The following HDAC9 variants were observed in gnomAD, a reference collection of about 807,000 sequenced individuals.
HDAC9 encodes the protein MEF-2 interacting transcription repressor (MITR) protein.
HDAC9 carries 41 observed loss-of-function variants against 139.4 expected under a neutral mutation model. That is an observed-to-expected ratio of 0.29 (90% CI 0.23 to 0.38). The LOEUF (loss-of-function observed/expected upper bound fraction) is 0.38. HDAC9 is among the 10% of genes least tolerant of loss of function. HDAC9 has a pLI of 1.00. For missense variants in HDAC9, 1,147 were observed against 1,297.0 expected (o/e 0.88, Z 1.78); for synonymous variants, 517 against 476.2 (o/e 1.09, Z -1.12).
chr7:18,550,574 G>A (rs1450508877), intron 2 of HDAC9, among the ~76,000 whole-genome samples: 1 of 152,206 alleles, frequency 6.6e-6, no homozygotes, highest in Non-Finnish European at 1.5e-5. Context: ...AAAGAGTTAA[G>A]TAGGTGGGGG....
intron 16 of HDAC9, among the ~76,000 whole-genome samples, chr7:18,770,370 TA>T (rs2129163563): frequency 6.6e-6 from 1 of 152,240 alleles, no homozygotes; most frequent in East Asian, 1.9e-4. Flanking sequence ...GTAAAATAGA[TA>T]ATTAAGGGAC....
At chr7:18,599,375 A>G (rs904705655) in intron 6 of HDAC9, among the ~76,000 whole-genome samples, 3 of 152,188 alleles carry the variant, frequency 2.0e-5, no homozygotes, top group Non-Finnish European at 4.4e-5. Context: ...GATTTAACAA[A>G]TGTGTCATAT....
At chr7:18,104,942 C>T (rs1387720395) in intron 1 of HDAC9, among the ~76,000 whole-genome samples, 1 of 151,966 alleles carries the variant, frequency 6.6e-6, no homozygotes, top group African/African-American at 2.4e-5. Flanking sequence ...ATCATTTCTA[C>T]TATTATCTTA....
At chr7:18,760,644 A>G (rs930706946) in intron 14 of HDAC9, among the ~76,000 whole-genome samples, 6 of 152,234 alleles carry the variant, frequency 3.9e-5, no homozygotes, top group Admixed American at 1.3e-4. Flanking sequence ...AGAAAGTTCC[A>G]TAAGTATTCA....
chr7:18,387,142 C>T (rs1360222450), intron 1 of HDAC9, among the ~76,000 whole-genome samples: 1 of 152,150 alleles, frequency 6.6e-6, no homozygotes, highest in African/African-American at 2.4e-5. Context: ...GCTTGTCTCT[C>T]TTTGCTTTAA....
intron 2 of HDAC9, chr7:18,578,300 A>T: frequency 2.0e-6 from 1 of 504,672 alleles, no homozygotes; most frequent in Non-Finnish European, 4.0e-6. Context: ...TGCTATTCGT[A>T]ACGACCCCTT....
chr7:18,994,551 C>T (rs1452587416), intron 25 of HDAC9, among the ~76,000 whole-genome samples: 1 of 152,114 alleles, frequency 6.6e-6, no homozygotes, highest in Non-Finnish European at 1.5e-5. Flanking sequence ...CACACAGACT[C>T]TTTTAGAATT....
At chr7:18,177,259 T>C (rs1562711842) in intron 2 of HDAC9, among the ~76,000 whole-genome samples, 1 of 152,134 alleles carries the variant, frequency 6.6e-6, no homozygotes. Flanking sequence ...GCATTTAAAT[T>C]CTGTGAAGTT....
intron 6 of HDAC9, among the ~76,000 whole-genome samples, chr7:18,606,712 A>G (rs1197009239): frequency 1.3e-5 from 2 of 152,182 alleles, no homozygotes; most frequent in African/African-American, 4.8e-5. Flanking sequence ...TTTTCTAGAT[A>G]ATAATTTACT....
chr7:18,669,388 A>T (rs1333704839), intron 12 of HDAC9, among the ~76,000 whole-genome samples: 3 of 151,816 alleles, frequency 2.0e-5, no homozygotes, highest in African/African-American at 7.2e-5. Flanking sequence ...ATCTCCCCTT[A>T]TATGGTAACA....
Position 18,414,738 on chromosome 7 carries a change from G to A in HDAC9, c.-41-81524G>A, listed in dbSNP as rs78994200. On this transcript the variant is annotated intron_variant, in intron 1 of 3. Coordinates refer to the HDAC9 transcript ENST00000413509. ...AAACATTGTAATGGTAGGCACAAAC[G>A]CTTCTTAGAAGAAATTAAGAATGAA... Among the ~76,000 whole-genome samples the A allele has an allele frequency of 8.1e-3, 1,226 of 152,220 alleles. 21 individuals carry two copies. The highest frequency in any genetic ancestry group is 0.028 in the African/African-American group (1,179 of 41,552).
chr7:18,152,469 C>T (rs1219489858), intron 1 of HDAC9, among the ~76,000 whole-genome samples: 1 of 152,094 alleles, frequency 6.6e-6, no homozygotes, highest in Non-Finnish European at 1.5e-5. Flanking sequence ...TTCTCTTGTG[C>T]TTCTCATACT....
chr7:18,470,363 A>G lies in HDAC9; in HGVS notation c.-41-25899A>G, dbSNP rs570402403. ...AAAAAGCCAGTTGTTTTAAGCTACTATAATCTCTAATTTGTAACGATAATT... is the reference window on the plus strand; with the variant it reads ...AAAAAGCCAGTTGTTTTAAGCTACTGTAATCTCTAATTTGTAACGATAATT... On this transcript the variant is annotated intron_variant, in intron 1 of 3. Coordinates refer to the HDAC9 transcript ENST00000413509. Among the ~76,000 whole-genome samples, 8 of 152,220 alleles carry G rather than the reference A, an allele frequency of 5.3e-5. No individual in the cohort carries two copies. In the South Asian group the frequency reaches 1.7e-3, roughly 32 times the overall value.
At chr7:18,580,049 A>G (rs1379768041) in intron 2 of HDAC9, among the ~76,000 whole-genome samples, 1 of 152,216 alleles carries the variant, frequency 6.6e-6, no homozygotes, top group Non-Finnish European at 1.5e-5. Flanking sequence ...AGCAGCATCT[A>G]AAGTGAAGAA....
chr7:18,413,023 G>A (rs185751507), intron 1 of HDAC9, among the ~76,000 whole-genome samples: 35 of 152,250 alleles, frequency 2.3e-4, no homozygotes, highest in Non-Finnish European at 4.7e-4. Context: ...AATTAAAAAT[G>A]TTTTAGCTTA....
intron 22 of HDAC9, among the ~76,000 whole-genome samples, chr7:18,922,004 C>T (rs369391619): frequency 6.9e-6 from 1 of 145,130 alleles, no homozygotes; most frequent in East Asian, 2.1e-4. Context: ...CGCATATTCT[C>T]ACTCATAGGT....
At chr7:18,264,349 G>A (rs1002369374) in intron 2 of HDAC9, among the ~76,000 whole-genome samples, 3 of 151,764 alleles carry the variant, frequency 2.0e-5, no homozygotes, top group African/African-American at 4.8e-5. Context: ...AATGAAATTA[G>A]AAATTAAAAA....
At chr7:18,705,429 CT>C (rs1783812223) in intron 12 of HDAC9, among the ~76,000 whole-genome samples, 1 of 152,204 alleles carries the variant, frequency 6.6e-6, no homozygotes, top group African/African-American at 2.4e-5. Flanking sequence ...GAGCCACACA[CT>C]GGGATAGAGT....
chr7:18,264,708 C>T (rs1397199346), intron 2 of HDAC9, among the ~76,000 whole-genome samples: 1 of 152,146 alleles, frequency 6.6e-6, no homozygotes, highest in East Asian at 1.9e-4. Context: ...CCTATGCATA[C>T]CTGCTGTTTG....
Sources: gnomAD v4.1 joint callset for allele counts (sites outside exome capture counted in the v4.1 genomes callset) on GRCh38, gnomAD v4.1.1 for gene constraint, MANE v1.5 for transcripts, NCBI Gene and HGNC (gene_info 2026-07-23, HGNC 2026-07-21) for gene names.